The following TMEM245 variants were observed in gnomAD, a reference collection of about 807,000 sequenced individuals.
The protein encoded by TMEM245 is protein CG-2.
In TMEM245, 69 loss-of-function variants were observed where a neutral mutation model predicts 101.2. The observed-to-expected ratio is 0.68, with a 90% confidence interval of 0.56 to 0.83. TMEM245 has a LOEUF of 0.83. Among genes scored for constraint, TMEM245 ranks in the 40% least tolerant of loss-of-function variants. The pLI is 0.00. For missense variants in TMEM245, 1,075 were observed against 1,092.8 expected (o/e 0.98, Z 0.23); for synonymous variants, 537 against 449.8 (o/e 1.19, Z -2.45).
rs1347469616 is a variant in TMEM245, at chr9:109,015,373, C to G, written c.*5087G>C. 1 of 152,108 alleles carries G rather than the reference C, an allele frequency of 6.6e-6. No individual in the cohort carries two copies. Among genetic ancestry groups the G allele is most frequent in the East Asian group, 1.9e-4 (1 of 5,202 alleles). The allele number at this position is 152,108 out of a possible 1,614,324, so 9.4% of individuals were successfully genotyped here. ...CAAAGAGTTATGTAAGCAATTACAA[C>G]TCTATATCAAATCTTAGTTCAAAAT... is the stretch of plus-strand genomic sequence containing the variant. On this transcript the variant is annotated 3_prime_UTR_variant, in exon 18 of 18. Transcript: ENST00000374586.
At chr9:109,044,646 C>T (rs1211650504) in intron 14 of TMEM245, among the ~76,000 whole-genome samples, 3 of 152,118 alleles carry the variant, frequency 2.0e-5, no homozygotes, top group Non-Finnish European at 4.4e-5. Flanking sequence ...TCGCCAGCTC[C>T]CTTGACTGCT....
intron 3 of TMEM245, among the ~76,000 whole-genome samples, chr9:109,100,913 C>T (rs1031323426): frequency 1.3e-5 from 2 of 152,126 alleles, no homozygotes; most frequent in African/African-American, 4.8e-5. Flanking sequence ...TATGTTAGAA[C>T]TTCTCAGGTC....
chr9:109,057,243 T>A lies in TMEM245; in HGVS notation c.1802A>T (p.Asp601Val). ...RQNSWLGDIL[D>V]WQDIVSFVHE... ...AACAAAGGAAACAATATCCTGCCAGTCCAGAATGTCTCCCAGCCAGCTATT... is the reference window on the plus strand; with the variant it reads ...AACAAAGGAAACAATATCCTGCCAGACCAGAATGTCTCCCAGCCAGCTATT... Residue 601 changes from aspartate to valine, a missense_variant, in exon 12 of 18, where the codon GAC (aspartate) becomes GTC (valine). Physicochemically the swap from Asp to Val is radical, Grantham distance 152. This residue lies in a region of TMEM245 where 267 missense variants were observed against 351.3 expected (regional missense o/e 0.76). Transcript: ENST00000374586. 6.2e-7 allele frequency: 1 copy of A among 1,614,132 alleles called. No individual in the cohort carries two copies. Among genetic ancestry groups the A allele is most frequent in the Non-Finnish European group, 8.5e-7 (1 of 1,179,992 alleles).
chr9:109,044,508 T>C (rs1828414879), intron 14 of TMEM245, among the ~76,000 whole-genome samples: 1 of 152,166 alleles, frequency 6.6e-6, no homozygotes, highest in Non-Finnish European at 1.5e-5. Flanking sequence ...TCTAAAGGAC[T>C]GTCATTCCCC....
At chr9:109,096,946 C>T (rs1192019494) in intron 3 of TMEM245, among the ~76,000 whole-genome samples, 1 of 152,170 alleles carries the variant, frequency 6.6e-6, no homozygotes, top group Non-Finnish European at 1.5e-5. Flanking sequence ...ATTCATTCAC[C>T]AAATAGGCGA....
In TMEM245 at chr9:109,110,453, C is replaced by T. The variant is rs1250666395; in HGVS notation, c.580-1883G>A. The stretch of plus-strand genomic sequence containing the variant: ...GAATCTGGCTCCAGAGTGCACTTTT[C>T]TAATCTTAAGGAGAAAGAAGCATGG... On this transcript the variant is annotated intron_variant, in intron 1 of 17. Coordinates refer to ENST00000374586, the MANE Select transcript of TMEM245 (RefSeq NM_032012.4). Among the ~76,000 whole-genome samples, 5 of 152,078 alleles carry T rather than the reference C, an allele frequency of 3.3e-5. No individual in the cohort carries two copies. In the East Asian group the frequency reaches 9.6e-4, roughly 29 times the overall value.
Position 109,038,001 on chromosome 9 carries a change from A to G in TMEM245, c.2224+16T>C, listed in dbSNP as rs185641985. On this transcript the variant is annotated intron_variant, in intron 15 of 17. Transcript: ENST00000374586. ...CCTTAAATAGCGAATAGTGGAAGGT[A>G]CAATATGGTTGTTACCTGATGGTAT... The G allele has an allele frequency of 1.7e-4, 262 of 1,571,630 alleles. No individual in the cohort carries two copies. In the African/African-American group the frequency reaches 3.3e-3, roughly 20 times the overall value.
At chr9:109,117,256 C>T (rs372744867) in intron 1 of TMEM245, among the ~76,000 whole-genome samples, 11 of 151,436 alleles carry the variant, frequency 7.3e-5, no homozygotes, top group African/African-American at 2.7e-4. Flanking sequence ...ATTACAGGTG[C>T]CCACCACCAC....
rs1340612213 is a variant in TMEM245, at chr9:109,015,223, T to C, written c.*5237A>G. The C allele has an allele frequency of 3.5e-5, 5 of 143,936 alleles. No homozygotes were observed. Among genetic ancestry groups the C allele is most frequent in the Non-Finnish European group, 7.9e-5 (5 of 63,272 alleles). The allele number at this position is 143,936 out of a possible 1,614,324, so 8.9% of individuals were successfully genotyped here. A position where few individuals can be genotyped will look rare whatever the true frequency, so the allele number is the denominator to read the frequency against. ...TTAATAAAGAAGTTACATCAGTAGGTTGTCAAAGCAAGTTAGCTAAGAAAC... is the reference window on the plus strand; with the variant it reads ...TTAATAAAGAAGTTACATCAGTAGGCTGTCAAAGCAAGTTAGCTAAGAAAC... On this transcript the variant is annotated 3_prime_UTR_variant, in exon 18 of 18. Transcript: ENST00000374586.
rs1829649597 is a variant in TMEM245, at chr9:109,080,907, T to G, written c.1381A>C (p.Ile461Leu). 1 of 1,609,950 alleles carries G rather than the reference T, an allele frequency of 6.2e-7. No homozygotes were observed. The highest frequency in any genetic ancestry group is 8.5e-7 in the Non-Finnish European group (1 of 1,177,230). Residue 461 changes from isoleucine to leucine, a missense_variant, in exon 8 of 18, where the codon ATT becomes CTT. Physicochemically the swap from Ile to Leu is conservative, Grantham distance 5 (BLOSUM62 2). Transcript: ENST00000374586. Reference protein sequence around the residue: ...IWLEKMLDKIISIFIIFLLVI... With the variant: ...IWLEKMLDKILSIFIIFLLVI... ...AACAAAAATATGATGAAAATGCTAA[T>G]TATTTTATCTAACATCTTCTCCAAC...
At chr9:109,088,594 C>T (rs1323928895) in intron 5 of TMEM245, among the ~76,000 whole-genome samples, 4 of 151,714 alleles carry the variant, frequency 2.6e-5, no homozygotes, top group Non-Finnish European at 4.4e-5. Context: ...CCGAGGCGGG[C>T]GGATCACGAG....
intron 1 of TMEM245, 63 bp from the exon 2 acceptor site, chr9:109,108,633 C>T: frequency 2.4e-6 from 3 of 1,230,322 alleles, no homozygotes; most frequent in Middle Eastern, 1.9e-4. Context: ...TACAATTATA[C>T]AAAATCTGTA....
At chr9:109,104,769 A>G (rs971379665) in intron 3 of TMEM245, among the ~76,000 whole-genome samples, 1 of 152,212 alleles carries the variant, frequency 6.6e-6, no homozygotes, top group Non-Finnish European at 1.5e-5. Flanking sequence ...CAAGGGTGCC[A>G]AGGCCATCTT....
intron 14 of TMEM245, among the ~76,000 whole-genome samples, chr9:109,041,416 T>C (rs893596864): frequency 4.0e-5 from 6 of 149,830 alleles, no homozygotes; most frequent in African/African-American, 1.2e-4. Flanking sequence ...GTTGAACTCA[T>C]AGAAGTAGAG....
intron 14 of TMEM245, chr9:109,039,430 A>G (rs961685832): frequency 2.0e-5 from 3 of 152,232 alleles, no homozygotes; most frequent in Admixed American, 2.0e-4. Context: ...TTTAAACCTG[A>G]AGGGGAAAGA....
At chr9:109,036,511 T>G (rs368771764) in intron 15 of TMEM245, 131 bp from the exon 16 acceptor site, 1 of 877,106 alleles carries the variant, frequency 1.1e-6, no homozygotes, top group Non-Finnish European at 1.6e-6. Flanking sequence ...ACTCAAATAT[T>G]AGGGAAATGA....
Position 109,106,513 on chromosome 9 carries a change from G to T in TMEM245, c.794C>A (p.Ser265Tyr). 6.2e-7 allele frequency: 1 copy of T among 1,603,490 alleles called. No individual in the cohort carries two copies. Among genetic ancestry groups the T allele is most frequent in the Non-Finnish European group, 8.5e-7 (1 of 1,173,008 alleles). The change falls in exon 3 of 18, where the codon TCT (serine) becomes TAT (tyrosine). Residue 265 changes from serine to tyrosine, a missense_variant. Ser to Tyr is a moderately radical substitution (Grantham distance 144, BLOSUM62 -2). Around this residue, in one of 2 missense-constraint regions of TMEM245, gnomAD observed 808 missense variants for 741.5 expected, o/e 1.09. Transcript: ENST00000374586. ...TLYEKQNGKESSGAELPGQVI... is the reference protein window; with the variant it reads ...TLYEKQNGKEYSGAELPGQVI... The stretch of plus-strand genomic sequence containing the variant: ...TAGAATGCCCTATTTCTTACCAGAA[G>T]ACTCTTTTCCATTCTGTTTTTCATA...
At chr9:109,107,587 A>G (rs1263672983) in intron 2 of TMEM245, among the ~76,000 whole-genome samples, 1 of 152,156 alleles carries the variant, frequency 6.6e-6, no homozygotes, top group African/African-American at 2.4e-5. Flanking sequence ...CTATCATTCC[A>G]ACTCAACAAA....
In TMEM245 at chr9:109,035,156, C is replaced by CAA. The variant is rs778574292; in HGVS notation, c.2399+1048_2399+1049dup. ...TGGGTGATAGAGGGAGACTCTGTCT[C>CAA]AAAAAAAAAAAAAAAAAAAAAAAAA... On this transcript the variant is annotated intron_variant, in intron 16 of 17. Transcript: ENST00000374586. 8.9e-3 allele frequency among the ~76,000 whole-genome samples: 447 copies of CAA among 50,378 alleles called. 9 individuals carry two copies. Among genetic ancestry groups the CAA allele is most frequent in the East Asian group, 0.022 (25 of 1,144 alleles). 33.0% of individuals were successfully genotyped at this position (50,378 alleles called of 152,430 possible).
Sources: gnomAD v4.1 joint callset for allele counts (sites outside exome capture counted in the v4.1 genomes callset) on GRCh38, gnomAD v4.1.1 for gene constraint, gnomAD v4.1.1 regional missense constraint, MANE v1.5 for transcripts, NCBI Gene and HGNC (gene_info 2026-07-23, HGNC 2026-07-21) for gene names.